Variants in DNMT1 observed in about 807,000 individuals in gnomAD.
The protein encoded by DNMT1 is DNA methyltransferase 1.
A neutral mutation model predicts 205.3 loss-of-function variants in DNMT1; 24 were observed. That is an observed-to-expected ratio of 0.12 (90% CI 0.08 to 0.16). DNMT1 has a LOEUF of 0.16. DNMT1 is among the 10% of genes least tolerant of loss of function. The pLI, the probability that DNMT1 is intolerant of heterozygous loss-of-function variation, is 1.00. For synonymous variants in DNMT1, 817 were observed against 839.8 expected (o/e 0.97, Z 0.47); for missense variants, 1,293 against 2,177.7 (o/e 0.59, Z 8.09).
chr19:10,160,109 A>C, intron 14 of DNMT1, 46 bp from the exon 15 acceptor site: 1 of 1,608,584 alleles, frequency 6.2e-7, no homozygotes, highest in East Asian at 2.2e-5. Context: ...TAATTGTTTC[A>C]GAAAATATCA....
intron 25 of DNMT1, 63 bp from the exon 26 acceptor site, chr19:10,149,720 T>C: frequency 6.2e-7 from 1 of 1,611,306 alleles, no homozygotes; most frequent in Non-Finnish European, 8.5e-7. Flanking sequence ...TGTGACCAAG[T>C]CTATGCAGGA....
chr19:10,191,189 G>A (rs966210213), intron 1 of DNMT1, among the ~76,000 whole-genome samples: 2 of 151,664 alleles, frequency 1.3e-5, no homozygotes, highest in Non-Finnish European at 2.9e-5. Context: ...GCTGAGACAG[G>A]AGAATTGCTT....
At position 10,151,937 on chromosome 19, in the gene DNMT1, A is replaced by T; in HGVS notation, c.2020-90T>A. ...TATTTCAGAAGGCCGAGGCAGGCAG[A>T]TCACTTAAGGTCAGGAATTGCAGAC... On this transcript the variant is annotated intron_variant, in intron 22 of 40. Transcript: ENST00000359526. This position sits in a 1 kb window ranked among gnomAD's most constrained non-coding sequence, Gnocchi z 5.0. 7.7e-7 allele frequency: 1 copy of T among 1,292,246 alleles called. No individual in the cohort carries two copies. The highest frequency in any genetic ancestry group is 1.1e-6 in the Non-Finnish European group (1 of 893,404). 80.0% of individuals were successfully genotyped at this position (1,292,246 alleles called of 1,614,324 possible). A position where few individuals can be genotyped will look rare whatever the true frequency, so the allele number is the denominator to read the frequency against.
Position 10,146,467 on chromosome 19 carries a change from G to A in DNMT1, c.2778C>T (p.Val926=). The A allele has an allele frequency of 6.2e-7, 1 of 1,614,132 alleles. No homozygotes were observed. Among genetic ancestry groups the A allele is most frequent in the South Asian group, 1.1e-5 (1 of 91,072 alleles). ...TATCCAGGTCCTCGAGCTGCTCCAG[G>A]ACCCTGGGGATTTCTTTTTGCCTCA... ...AEMRQKEIPR[V]LEQLEDLDSR... is the part of the protein sequence containing the mutation. Residue 926 remains valine, a synonymous_variant, in exon 28 of 41, where the codon GTC becomes GTT. Transcript: ENST00000359526. This position sits in a 1 kb window ranked among gnomAD's most constrained non-coding sequence, Gnocchi z 4.4.
rs1391781652 is a variant in DNMT1 at position 10,151,557 on chromosome 19, C to T, written c.2118-12G>A. The T allele has an allele frequency of 3.7e-6, 6 of 1,613,324 alleles. No homozygotes were observed. The African/African-American group carries it at 4.0e-5, about 11-fold the overall frequency. The stretch of plus-strand genomic sequence containing the variant: ...CCATATTGGGACACCTGCAATGTCA[C>T]TGGTTATACCTAAGGCCCCTTTTCT... On this transcript the variant is annotated splice_polypyrimidine_tract_variant and intron_variant, in intron 23 of 40. Coordinates refer to ENST00000359526, the MANE Select transcript of DNMT1 (RefSeq NM_001130823.3). This position sits in a 1 kb window ranked among gnomAD's most constrained non-coding sequence, Gnocchi z 5.0.
chr19:10,180,614 G>C (rs1376511178), intron 3 of DNMT1, 45 bp from the exon 4 acceptor site: 1 of 1,590,640 alleles, frequency 6.3e-7, no homozygotes, highest in Admixed American at 1.7e-5. Flanking sequence ...ATGTAAACAA[G>C]TGTCAGAGAA....
Position 10,154,593 on chromosome 19 carries a change from C to T in DNMT1, c.1825G>A (p.Gly609Arg). The T allele has an allele frequency of 6.2e-7, 1 of 1,614,016 alleles. No individual in the cohort carries two copies. Among genetic ancestry groups the T allele is most frequent in the Non-Finnish European group, 8.5e-7 (1 of 1,179,960 alleles). ...TCCCTGCCGCATCCTTACCTCTGTC[C>T]CAGCGTGACCCCAGCCAGCTTGATC... ...DLIKLAGVTL[G>R]QRRAQARRQT... The change falls in exon 21 of 41, where the codon GGA becomes AGA. Residue 609 changes from glycine to arginine, a missense_variant. Transcript: ENST00000359526. The surrounding 1 kb of genome is among the most constrained non-coding windows in gnomAD (Gnocchi z 6.3).
rs2038453691 is a variant in DNMT1 at position 10,156,199 on chromosome 19, T to C, written c.1399+192A>G. ...CATATATATAAGTATATATGTATAC[T>C]ATATATATATGCTATATATTTTTTT... On this transcript the variant is annotated intron_variant, in intron 18 of 40. Coordinates refer to ENST00000359526, the MANE Select transcript of DNMT1 (RefSeq NM_001130823.3). The surrounding 1 kb of genome is among the most constrained non-coding windows in gnomAD (Gnocchi z 4.2). Among the ~76,000 whole-genome samples the C allele has an allele frequency of 6.6e-6, 1 of 150,534 alleles. No individual in the cohort carries two copies. Among genetic ancestry groups the C allele is most frequent in the South Asian group, 2.1e-4 (1 of 4,796 alleles).
intron 38 of DNMT1, 76 bp from the exon 39 acceptor site, chr19:10,135,928 G>A: frequency 6.6e-7 from 1 of 1,506,042 alleles, no homozygotes; most frequent in Non-Finnish European, 8.9e-7. Flanking sequence ...GAGGGAAATG[G>A]CACTGTGACA....
Position 10,154,762 on chromosome 19 carries a change from A to T in DNMT1, c.1656T>A (p.Pro552=). 6.2e-7 allele frequency: 1 copy of T among 1,614,234 alleles called. No homozygotes were observed. The highest frequency in any genetic ancestry group is 8.5e-7 in the Non-Finnish European group (1 of 1,180,050). The change falls in exon 21 of 41, where the codon CCT becomes CCA. Residue 552 remains proline, a synonymous_variant. Transcript: ENST00000359526. This position sits in a 1 kb window ranked among gnomAD's most constrained non-coding sequence, Gnocchi z 6.3. ...DLINKIETTV[P]PSGLNLNRFT... The stretch of plus-strand genomic sequence containing the variant: ...AGCGGTTCAAGTTGAGGCCAGAAGG[A>T]GGAACCGTGGTCTTGAAAGAGAACA...
In DNMT1 at chr19:10,135,639, G is replaced by T. The variant is rs190816746; in HGVS notation, c.4773+97C>A. 2,011 of 1,311,992 alleles carry T rather than the reference G, an allele frequency of 1.5e-3. 32 individuals carry two copies. The highest frequency in any genetic ancestry group is 9.9e-4 in the Middle Eastern group (4 of 4,054). 81.3% of individuals were successfully genotyped at this position (1,311,992 alleles called of 1,614,324 possible). On this transcript the variant is annotated intron_variant, in intron 39 of 40. Coordinates refer to ENST00000359526, the MANE Select transcript of DNMT1 (RefSeq NM_001130823.3). ...TGGGGCTACCCGGCAGCCAGCAGGCGTCCTCCCGGAAGTGACTGCGCTGGC... is the reference window on the plus strand; with the variant it reads ...TGGGGCTACCCGGCAGCCAGCAGGCTTCCTCCCGGAAGTGACTGCGCTGGC...
chr19:10,168,202 G>C (rs1424629076), intron 10 of DNMT1, 128 bp downstream of exon 10: 1 of 1,044,598 alleles, frequency 9.6e-7, no homozygotes, highest in Non-Finnish European at 1.5e-6. Flanking sequence ...TTCACAAGCA[G>C]AACTTGCCCA....
chr19:10,158,283 C>A (rs1215001612), intron 17 of DNMT1, among the ~76,000 whole-genome samples: 5 of 152,138 alleles, frequency 3.3e-5, no homozygotes, highest in Non-Finnish European at 1.5e-5. Context: ...TTGGGCCAGG[C>A]CTCGGGGGGC....
intron 9 of DNMT1, among the ~76,000 whole-genome samples, chr19:10,170,071 G>A (rs1056096355): frequency 6.6e-6 from 1 of 152,122 alleles, no homozygotes; most frequent in Non-Finnish European, 1.5e-5. Context: ...GATCACCTGA[G>A]GTCAGGAGTT....
Position 10,159,770 on chromosome 19 carries a change from G to T in DNMT1, c.1171-3C>A. The T allele has an allele frequency of 6.2e-7, 1 of 1,614,244 alleles. No homozygotes were observed. The highest frequency in any genetic ancestry group is 8.5e-7 in the Non-Finnish European group (1 of 1,180,032). On this transcript the variant is annotated splice_region_variant and splice_polypyrimidine_tract_variant and intron_variant, in intron 16 of 40. Transcript: ENST00000359526. The surrounding 1 kb of genome is among the most constrained non-coding windows in gnomAD (Gnocchi z 5.0). Reference sequence around the variant, plus strand: ...GTCAGCATCTGTGGCTCATCCACCTGAAGGACACGGGGCTGGTGAGCAGTG... The same window carrying T: ...GTCAGCATCTGTGGCTCATCCACCTTAAGGACACGGGGCTGGTGAGCAGTG...
At chr19:10,182,216 TTGTCTCCCCG>T in intron 1 of DNMT1, 139 bp from the exon 2 acceptor site, 2 of 838,756 alleles carry the variant, frequency 2.4e-6, no homozygotes, top group Admixed American at 2.0e-5. Flanking sequence ...AAGCTGGCTT[TTGTCTCCCCG>T]CAAGAGTCTA....
chr19:10,172,961 T>C, intron 9 of DNMT1, 129 bp downstream of exon 9: 3 of 1,076,722 alleles, frequency 2.8e-6, no homozygotes, highest in Non-Finnish European at 4.2e-6. Flanking sequence ...GTCAAAGGCA[T>C]TTCGATCACT....
intron 30 of DNMT1, 143 bp downstream of exon 30, chr19:10,141,885 G>C (rs1192114734): frequency 1.1e-6 from 1 of 950,744 alleles, no homozygotes; most frequent in East Asian, 2.6e-5. Context: ...AGCTCCTGCA[G>C]AACAGCTTCA....
rs753140952 is a variant in DNMT1, at chr19:10,148,977, C to T, written c.2627G>A (p.Gly876Glu). The T allele has an allele frequency of 1.2e-5, 20 of 1,614,012 alleles. No individual in the cohort carries two copies. The South Asian group carries it at 2.0e-4, about 16-fold the overall frequency. Reference sequence around the variant, plus strand: ...CCACAGCTGGTAGAAGTAGGTCTTCCCGTCGTCCCCCTCCAGCAGGGACTC... The same window carrying T: ...CCACAGCTGGTAGAAGTAGGTCTTCTCGTCGTCCCCCTCCAGCAGGGACTC... ...DPESLLEGDD[G>E]KTYFYQLWYD... is the part of the protein sequence containing the mutation. Residue 876 changes from glycine (G) to glutamate (E), a missense_variant, in exon 27 of 41, where the codon GGG becomes GAG. Coordinates refer to ENST00000359526, the MANE Select transcript of DNMT1 (RefSeq NM_001130823.3).
Sources: allele counts gnomAD v4.1 joint callset (sites outside exome capture counted in the v4.1 genomes callset), GRCh38; gene constraint gnomAD v4.1.1; non-coding constraint Gnocchi (gnomAD v3.1); transcripts MANE v1.5; gene names NCBI Gene and HGNC (gene_info 2026-07-23, HGNC 2026-07-21).